SDK1: variants seen among roughly 807,000 people sequenced by gnomAD.
SDK1 encodes the protein sidekick cell adhesion molecule 1.
SDK1 carries 157 observed loss-of-function variants against 245.5 expected under a neutral mutation model. The observed-to-expected ratio is 0.64, with a 90% CI of 0.56 to 0.73. SDK1 has a LOEUF of 0.73. Ranked by LOEUF, SDK1 falls within the 30% of genes least tolerant of loss-of-function variation. SDK1 has a pLI of 0.00. For synonymous variants in SDK1, 1,647 were observed against 1,278.5 expected (o/e 1.29, Z -6.15); for missense variants, 3,583 against 3,002.3 (o/e 1.19, Z -4.52).
intron 1 of SDK1, among the ~76,000 whole-genome samples, chr7:3,327,523 C>T (rs1300673019): frequency 6.6e-6 from 1 of 152,028 alleles, no homozygotes; most frequent in African/African-American, 2.4e-5. Context: ...CCCATCTCTC[C>T]AAACAGGGAT....
intron 5 of SDK1, among the ~76,000 whole-genome samples, chr7:3,833,599 A>G (rs1000753408): frequency 6.6e-5 from 10 of 152,228 alleles, no homozygotes; most frequent in Admixed American, 6.5e-4. Context: ...AACCATATGC[A>G]TAGGTTGCCC....
chr7:3,460,204 A>G (rs1006510943), intron 1 of SDK1, among the ~76,000 whole-genome samples: 6 of 152,370 alleles, frequency 3.9e-5, no homozygotes, highest in Admixed American at 3.9e-4. Context: ...GCCAAGTTAT[A>G]GAATGGAGCC....
intron 17 of SDK1, among the ~76,000 whole-genome samples, chr7:4,040,408 C>G (rs962686519): frequency 4.6e-5 from 7 of 152,154 alleles, no homozygotes; most frequent in African/African-American, 1.7e-4. Context: ...ACAAGTCGAA[C>G]CACATTGTGA....
chr7:3,679,363 G>T (rs1469985923), intron 4 of SDK1, among the ~76,000 whole-genome samples: 1 of 152,042 alleles, frequency 6.6e-6, no homozygotes, highest in African/African-American at 2.4e-5. Context: ...TCGGGAGATC[G>T]AGACCATCCT....
chr7:3,685,829 A>G (rs531820222), intron 4 of SDK1, among the ~76,000 whole-genome samples: 57 of 152,252 alleles, frequency 3.7e-4, no homozygotes, highest in African/African-American at 1.1e-3. Flanking sequence ...TACTCAACCT[A>G]TAGGAAGATA....
At position 4,127,509 on chromosome 7, in the gene SDK1, A is replaced by T; in HGVS notation, c.3939+13A>T. 1 of 1,581,806 alleles carries T rather than the reference A, an allele frequency of 6.3e-7. No individual in the cohort carries two copies. Among genetic ancestry groups the T allele is most frequent in the Non-Finnish European group, 8.7e-7 (1 of 1,150,560 alleles). On this transcript the variant is annotated intron_variant, in intron 26 of 44. Transcript: ENST00000404826. The stretch of plus-strand genomic sequence containing the variant: ...ACTGGGCTACAAGGTGTGTGATCAC[A>T]GGATGACCTCCCTTTGCTTAAAGAG...
At chr7:3,498,517 G>A (rs1782092842) in intron 1 of SDK1, among the ~76,000 whole-genome samples, 1 of 152,054 alleles carries the variant, frequency 6.6e-6, no homozygotes, top group Non-Finnish European at 1.5e-5. Context: ...AGTATATTGT[G>A]GGTAATAAAG....
At chr7:3,662,574 C>T (rs1352474927) in intron 4 of SDK1, among the ~76,000 whole-genome samples, 6 of 152,134 alleles carry the variant, frequency 3.9e-5, no homozygotes, top group East Asian at 3.9e-4. Context: ...TGACAAGGGC[C>T]GCTGCGGGGA....
rs1224091830 is a variant in SDK1 at position 4,127,490 on chromosome 7, C to T, written c.3933C>T (p.Gly1311=). 5 of 1,611,432 alleles carry T rather than the reference C, an allele frequency of 3.1e-6. No homozygotes were observed. The highest frequency in any genetic ancestry group is 4.2e-6 in the Non-Finnish European group (5 of 1,177,602). ...AGGACCAGAATGGGCTCATACTGGG[C>T]TACAAGGTGTGTGATCACAGGATGA... ...PEQDQNGLIL[G]YKILFRAKDL... The change falls in exon 26 of 45, where the codon GGC becomes GGT. Residue 1311 remains glycine (G), a synonymous_variant. Transcript: ENST00000404826.
intron 4 of SDK1, among the ~76,000 whole-genome samples, chr7:3,764,581 C>A (rs1012530466): frequency 6.6e-6 from 1 of 151,990 alleles, no homozygotes; most frequent in Non-Finnish European, 1.5e-5. Flanking sequence ...AATTGGGAGG[C>A]TGAGGCAAGA....
chr7:3,578,118 A>T (rs139826798), intron 1 of SDK1, among the ~76,000 whole-genome samples: 57 of 152,108 alleles, frequency 3.7e-4, no homozygotes, highest in African/African-American at 1.4e-3. Flanking sequence ...CCCACCCCCA[A>T]TATTTCAACA....
At chr7:4,108,771 T>G (rs980933629) in intron 22 of SDK1, among the ~76,000 whole-genome samples, 22 of 152,134 alleles carry the variant, frequency 1.4e-4, no homozygotes, top group African/African-American at 5.3e-4. Context: ...TCTGTCTAGT[T>G]CCAAAACATT....
At chr7:3,303,344 C>T (rs1157715773) in intron 1 of SDK1, among the ~76,000 whole-genome samples, 1 of 152,092 alleles carries the variant, frequency 6.6e-6, no homozygotes, top group Non-Finnish European at 1.5e-5. Flanking sequence ...TTTTTTTAAA[C>T]AGTGACTTGC....
chr7:3,752,072 A>G (rs1164232874), intron 4 of SDK1, among the ~76,000 whole-genome samples: 1 of 152,194 alleles, frequency 6.6e-6, no homozygotes, highest in African/African-American at 2.4e-5. Flanking sequence ...TTTGGGAGAA[A>G]GTTAACCAAT....
In SDK1 at chr7:3,676,615, A is replaced by G. The variant is rs143902958; in HGVS notation, c.713+34510A>G. On this transcript the variant is annotated intron_variant, in intron 4 of 44. Coordinates refer to ENST00000404826, the MANE Select transcript of SDK1 (RefSeq NM_152744.4). ...GCTGGGATTACAGGCGTGAGCCACC[A>G]CGCCTTGCCCTCTTCTAATATTTTT... Among the ~76,000 whole-genome samples the G allele has an allele frequency of 4.5e-3, 681 of 152,202 alleles. 1 individual carries two copies. The highest frequency in any genetic ancestry group is 7.0e-3 in the Non-Finnish European group (475 of 68,006).
intron 5 of SDK1, among the ~76,000 whole-genome samples, chr7:3,856,564 G>T (rs1425088206): frequency 6.6e-6 from 1 of 151,578 alleles, no homozygotes; most frequent in African/African-American, 2.4e-5. Flanking sequence ...GCCGAGGCAG[G>T]TGGATCACCT....
chr7:3,917,342 G>A (rs1033490950), intron 5 of SDK1, among the ~76,000 whole-genome samples: 2 of 152,154 alleles, frequency 1.3e-5, no homozygotes, highest in African/African-American at 4.8e-5. Context: ...TGATGCAGGG[G>A]TGGCTGGGAT....
At chr7:3,700,794 G>A (rs977429443) in intron 4 of SDK1, among the ~76,000 whole-genome samples, 13 of 152,114 alleles carry the variant, frequency 8.5e-5, no homozygotes, top group African/African-American at 2.7e-4. Flanking sequence ...TGCACTTTTT[G>A]TTCTTTCTTC....
chr7:3,510,216 G>C (rs944309522), intron 1 of SDK1, among the ~76,000 whole-genome samples: 2 of 152,198 alleles, frequency 1.3e-5, no homozygotes, highest in African/African-American at 2.4e-5. Context: ...ACTGTGGTGT[G>C]GGAGCAGCAG....
Sources: gnomAD v4.1 joint callset for allele counts (sites outside exome capture counted in the v4.1 genomes callset) on GRCh38, gnomAD v4.1.1 for gene constraint, MANE v1.5 for transcripts, NCBI Gene and HGNC (gene_info 2026-07-23, HGNC 2026-07-21) for gene names.